The following PTP4A3 variants were observed in gnomAD, a reference collection of about 807,000 sequenced individuals.
The protein encoded by PTP4A3 is protein tyrosine phosphatase type IVA 3.
A neutral mutation model predicts 15.2 loss-of-function variants in PTP4A3; 9 were observed. The observed-to-expected ratio is 0.59, with a 90% CI of 0.36 to 1.03. The LOEUF is 1.03. PTP4A3 is among the 50% of genes least tolerant of loss of function. The pLI is 0.02. For missense variants in PTP4A3, 234 were observed against 252.1 expected, an observed-to-expected ratio of 0.93 and a Z score of 0.49; for synonymous variants, 95 against 102.0, an observed-to-expected ratio of 0.93 and a Z score of 0.41.
intron 2 of PTP4A3, among the ~76,000 whole-genome samples, chr8:141,423,824 C>G (rs4072696): frequency 5.5e-5 from 8 of 145,140 alleles, no homozygotes; most frequent in African/African-American, 2.1e-4. Flanking sequence ...CCAGGGTTAA[C>G]GCTTAGTGTC....
At chr8:141,429,971 A>G (rs1586573815) in intron 5 of PTP4A3, among the ~76,000 whole-genome samples, 1 of 85,090 alleles carries the variant, frequency 1.2e-5, no homozygotes, top group Non-Finnish European at 2.6e-5. Flanking sequence ...CGCACAGCCC[A>G]CGTCCCCGCT....
chr8:141,410,112 C>T (rs944401728), intron 1 of PTP4A3, among the ~76,000 whole-genome samples: 7 of 152,250 alleles, frequency 4.6e-5, no homozygotes, highest in African/African-American at 1.2e-4. Context: ...GCCCACATGG[C>T]CTGCCTGCCA....
chr8:141,411,837 G>A (rs1832878447), intron 1 of PTP4A3, among the ~76,000 whole-genome samples: 1 of 145,500 alleles, frequency 6.9e-6, no homozygotes, highest in South Asian at 2.2e-4. Context: ...CTGACATGGA[G>A]TGTAGGGCTT....
At chr8:141,424,325 G>A (rs1176783118) in intron 2 of PTP4A3, among the ~76,000 whole-genome samples, 1 of 152,142 alleles carries the variant, frequency 6.6e-6, no homozygotes, top group Non-Finnish European at 1.5e-5. Context: ...ATAACTATCG[G>A]CCTGGCTGTG....
At chr8:141,408,225 T>G (rs1832779660) in intron 1 of PTP4A3, among the ~76,000 whole-genome samples, 2 of 148,278 alleles carry the variant, frequency 1.3e-5, no homozygotes, top group Non-Finnish European at 3.0e-5. Context: ...AGGGGTGGAG[T>G]GACTGCTGGT....
chr8:141,412,674 A>T (rs1467242931), intron 1 of PTP4A3, among the ~76,000 whole-genome samples: 1 of 152,206 alleles, frequency 6.6e-6, no homozygotes, highest in Non-Finnish European at 1.5e-5. Flanking sequence ...GAGCAGGCTT[A>T]GCTTGAGCCC....
In PTP4A3 at chr8:141,421,872, T is replaced by A. The variant is rs1020872055; in HGVS notation, c.-369T>A. ...AGTTTTTAAGTTTTCTTTGCTGAGCTTTTTTGGTTGTTCTTTTTATTTTTT... is the reference window on the plus strand; with the variant it reads ...AGTTTTTAAGTTTTCTTTGCTGAGCATTTTTGGTTGTTCTTTTTATTTTTT... On this transcript the variant is annotated 5_prime_UTR_variant, in exon 2 of 6. Transcript: ENST00000521578. 1 of 207,532 alleles carries A rather than the reference T, an allele frequency of 4.8e-6. No homozygotes were observed. Among genetic ancestry groups the A allele is most frequent in the African/African-American group, 2.3e-5 (1 of 43,026 alleles). 12.9% of individuals were successfully genotyped at this position (207,532 alleles called of 1,614,324 possible).
chr8:141,422,629 AG>A (rs1833389197), intron 2 of PTP4A3, among the ~76,000 whole-genome samples: 1 of 150,354 alleles, frequency 6.7e-6, no homozygotes, highest in Admixed American at 6.6e-5. Context: ...GGATAGAGGC[AG>A]GGGGTGAGGC....
chr8:141,428,344 T>G (rs947582973), intron 5 of PTP4A3, among the ~76,000 whole-genome samples: 2 of 132,328 alleles, frequency 1.5e-5, no homozygotes, highest in Non-Finnish European at 3.1e-5. Context: ...GCCCCATCCC[T>G]GTCACTTGGT....
chr8:141,393,287 G>A (rs902657221), intron 1 of PTP4A3, among the ~76,000 whole-genome samples: 2 of 152,218 alleles, frequency 1.3e-5, no homozygotes, highest in South Asian at 2.1e-4. Context: ...CAAAGGGGGC[G>A]TTGGAGCTGC....
Position 141,425,187 on chromosome 8 carries a change from A to AGGGGGGGG in PTP4A3, c.198+50_198+51insGGGGGGGG. 2 of 270,994 alleles carry AGGGGGGGG rather than the reference A, an allele frequency of 7.4e-6. No homozygotes were observed. Among genetic ancestry groups the AGGGGGGGG allele is most frequent in the Admixed American group, 8.6e-5 (2 of 23,208 alleles). 16.8% of individuals were successfully genotyped at this position (270,994 alleles called of 1,614,324 possible). A position where few individuals can be genotyped will look rare whatever the true frequency, so the allele number is the denominator to read the frequency against. On this transcript the variant is annotated intron_variant, in intron 3 of 5. Coordinates refer to ENST00000521578, the MANE Select transcript of PTP4A3 (RefSeq NM_032611.3). This position sits in a 1 kb window ranked among gnomAD's most constrained non-coding sequence, Gnocchi z 4.2. ...CCCTAGTCACTGCTGCCACCGGGGG[A>AGGGGGGGG]GGGTGGGGCGGGGGGCTCCGGGCCT...
Position 141,431,185 on chromosome 8 carries a change from C to A in PTP4A3, c.*141C>A. The stretch of plus-strand genomic sequence containing the variant: ...CCACATCGCCTTTTCCTCCCCGACA[C>A]CTCCGTGCACTTGTGTCCGAGGAGC... On this transcript the variant is annotated 3_prime_UTR_variant, in exon 6 of 6. Transcript: ENST00000521578. 1 of 757,224 alleles carries A rather than the reference C, an allele frequency of 1.3e-6. No homozygotes were observed. The highest frequency in any genetic ancestry group is 2.2e-6 in the Non-Finnish European group (1 of 453,758). 46.9% of individuals were successfully genotyped at this position (757,224 alleles called of 1,614,324 possible).
chr8:141,398,216 T>G (rs749122920), intron 1 of PTP4A3, among the ~76,000 whole-genome samples: 1 of 152,194 alleles, frequency 6.6e-6, no homozygotes, highest in Non-Finnish European at 1.5e-5. Context: ...TAGGTGACCC[T>G]CAGAGGTGGG....
At position 141,432,335 on chromosome 8, in the gene PTP4A3, C is replaced by T. The variant is rs1021501444; in HGVS notation, c.*1291C>T. 2.6e-5 allele frequency: 4 copies of T among 152,234 alleles called. No homozygotes were observed. The highest frequency in any genetic ancestry group is 1.9e-4 in the East Asian group (1 of 5,186). The allele number at this position is 152,234 out of a possible 1,614,324, so 9.4% of individuals were successfully genotyped here. A position where few individuals can be genotyped will look rare whatever the true frequency, so the allele number is the denominator to read the frequency against. ...AAGACCGACAGATGGCTAAGGGGGC[C>T]GCAGACCTGGCTCCCCCAGCTCCTG... is the stretch of plus-strand genomic sequence containing the variant. On this transcript the variant is annotated 3_prime_UTR_variant, in exon 6 of 6. Transcript: ENST00000521578.
intron 3 of PTP4A3, among the ~76,000 whole-genome samples, chr8:141,426,074 C>T (rs1028075779): frequency 9.8e-5 from 15 of 152,296 alleles, no homozygotes; most frequent in African/African-American, 1.7e-4. Flanking sequence ...CGTAAGTAGC[C>T]GTGACACCGG....
rs1255406864 is a variant in PTP4A3 at position 141,396,766 on chromosome 8, C to CAG, written c.-854+4682_-854+4683insAG. 3.3e-5 allele frequency among the ~76,000 whole-genome samples: 5 copies of CAG among 152,212 alleles called. No individual in the cohort carries two copies. In the South Asian group the frequency reaches 8.3e-4, roughly 25 times the overall value. ...AGCTTGGTCATGTCACCTTCTGAGTCTCAGTGTTCCCTTCTCACGTGGGAC... is the reference window on the plus strand; with the variant it reads ...AGCTTGGTCATGTCACCTTCTGAGTCAGTCAGTGTTCCCTTCTCACGTGGGAC... On this transcript the variant is annotated intron_variant, in intron 1 of 5. Coordinates refer to ENST00000521578, the MANE Select transcript of PTP4A3 (RefSeq NM_032611.3).
At chr8:141,402,110 C>A (rs1832609036) in intron 1 of PTP4A3, among the ~76,000 whole-genome samples, 1 of 152,168 alleles carries the variant, frequency 6.6e-6, no homozygotes, top group Non-Finnish European at 1.5e-5. Flanking sequence ...GAGAGGGGTG[C>A]CAGCAGAGGG....
intron 1 of PTP4A3, among the ~76,000 whole-genome samples, chr8:141,417,505 G>A (rs1184246780): frequency 6.6e-6 from 1 of 152,108 alleles, no homozygotes; most frequent in Non-Finnish European, 1.5e-5. Context: ...CATTTCCAAA[G>A]CTGGGCGCGC....
intron 1 of PTP4A3, among the ~76,000 whole-genome samples, chr8:141,409,469 C>T (rs62522494): frequency 0.042 from 6,392 of 152,314 alleles, 161 homozygotes; most frequent in Non-Finnish European, 0.046. Context: ...TGTGGCCCGA[C>T]CTCCTGCCCA....
Sources: gnomAD v4.1 joint callset for allele counts (sites outside exome capture counted in the v4.1 genomes callset) on GRCh38, gnomAD v4.1.1 for gene constraint, Gnocchi (gnomAD v3.1) non-coding constraint, MANE v1.5 for transcripts, NCBI Gene and HGNC (gene_info 2026-07-23, HGNC 2026-07-21) for gene names.